NBPF12: variants seen among roughly 807,000 people sequenced by gnomAD.
NBPF12 encodes the protein NBPF family member NBPF12.
Under a neutral mutation model 146.4 loss-of-function variants are expected in NBPF12, and 115 were observed. That is an observed-to-expected ratio of 0.79 (90% CI 0.68 to 0.92). The LOEUF is 0.92. NBPF12 is among the 40% of genes least tolerant of loss of function. The pLI, the probability that NBPF12 is intolerant of heterozygous loss-of-function variation, is 0.00. For missense variants in NBPF12, 1,205 were observed against 1,326.8 expected (o/e 0.91, Z 1.43); for synonymous variants, 385 against 508.9 (o/e 0.76, Z 3.28).
At chr1:146,978,024 G>C (rs1343178531) in intron 18 of NBPF12, among the ~76,000 whole-genome samples, 1 of 151,902 alleles carries the variant, frequency 6.6e-6, no homozygotes, top group Non-Finnish European at 1.5e-5. Context: ...GCCTGTTTAA[G>C]GAAGCTGGCA....
chr1:146,973,655 GC>G (rs1315530859), intron 14 of NBPF12, among the ~76,000 whole-genome samples: 2 of 149,030 alleles, frequency 1.3e-5, no homozygotes, highest in African/African-American at 5.1e-5. Flanking sequence ...GGGCATGGTG[GC>G]AGGTGACTGT....
rs1553886548 is a variant in NBPF12 at position 146,971,943 on chromosome 1, C to G, written c.1591+549C>G. Among the ~76,000 whole-genome samples the G allele has an allele frequency of 1.9e-4, 27 of 142,376 alleles. 1 individual carries two copies. In the South Asian group the frequency reaches 6.1e-3, roughly 32 times the overall value. The allele number at this position is 142,376 out of a possible 152,430, so 93.4% of individuals were successfully genotyped here. On this transcript the variant is annotated intron_variant, in intron 13 of 33. Transcript: ENST00000617844. ...AAATACAAAAAAAAAAAAAAATTAG[C>G]TGGGCGCGGTGTTGGGTGCCTGTAG...
exon 8 of NBPF12, chr1:146,964,926 T>C (rs1656093578): frequency 1.2e-6 from 2 of 1,607,876 alleles, no homozygotes; most frequent in Middle Eastern, 4.4e-4. Context: ...GCAAAGTCCC[T>C]GAGGACTCAC....
At chr1:146,960,996 A>C (rs1655811954) in intron 4 of NBPF12, among the ~76,000 whole-genome samples, 1 of 152,046 alleles carries the variant, frequency 6.6e-6, no homozygotes, top group Non-Finnish European at 1.5e-5. Flanking sequence ...AAATACAAAA[A>C]GTAGATGGGC....
intron 11 of NBPF12, among the ~76,000 whole-genome samples, chr1:146,970,085 G>A (rs1433650012): frequency 6.7e-6 from 1 of 150,242 alleles, no homozygotes; most frequent in Non-Finnish European, 1.5e-5. Context: ...TTTTCAAAAT[G>A]AGATGAAGCC....
chr1:146,967,312 G>T (rs2101863530), intron 9 of NBPF12, among the ~76,000 whole-genome samples: 1 of 150,740 alleles, frequency 6.6e-6, no homozygotes, highest in Admixed American at 6.6e-5. Flanking sequence ...ACCAGCCTGG[G>T]CAACATGGAG....
chr1:146,945,791 C>T (rs1302716265), upstream of NBPF12, among the ~76,000 whole-genome samples: 1 of 152,050 alleles, frequency 6.6e-6, no homozygotes, highest in Non-Finnish European at 1.5e-5. Flanking sequence ...ACTGTTGATA[C>T]ATCATTATCA....
intron 2 of NBPF12, among the ~76,000 whole-genome samples, chr1:146,955,945 T>G (rs1346377613): frequency 3.3e-5 from 5 of 151,302 alleles, no homozygotes; most frequent in Non-Finnish European, 7.4e-5. Flanking sequence ...CTTGGTGGGC[T>G]TTTGTTACAT....
chr1:146,960,543 T>A (rs1362104778), intron 4 of NBPF12, among the ~76,000 whole-genome samples: 1 of 151,992 alleles, frequency 6.6e-6, no homozygotes, highest in Non-Finnish European at 1.5e-5. Context: ...AGAGTTAAAC[T>A]CACAGTTACT....
At chr1:146,969,062 A>G (rs1438378949) in intron 10 of NBPF12, among the ~76,000 whole-genome samples, 2 of 151,456 alleles carry the variant, frequency 1.3e-5, no homozygotes, top group African/African-American at 2.4e-5. Flanking sequence ...GTATTTTCAC[A>G]TGGAAATGTC....
At chr1:146,976,527 C>CGA (rs1657037533) in intron 16 of NBPF12, among the ~76,000 whole-genome samples, 16 of 111,174 alleles carry the variant, frequency 1.4e-4, no homozygotes. Flanking sequence ...TCTTCTAATG[C>CGA]ATAGAGGACT....
chr1:146,962,608 T>C (rs1322171846), intron 5 of NBPF12, among the ~76,000 whole-genome samples: 9 of 151,566 alleles, frequency 5.9e-5, no homozygotes, highest in Non-Finnish European at 8.8e-5. Flanking sequence ...AGAATCACCT[T>C]CTGACTGACT....
intron 9 of NBPF12, among the ~76,000 whole-genome samples, chr1:146,967,830 C>T (rs1402369375): frequency 6.6e-6 from 1 of 150,858 alleles, no homozygotes; most frequent in Non-Finnish European, 1.5e-5. Context: ...ACAGAGTAAA[C>T]ACTATTAGTT....
At position 146,970,502 on chromosome 1, in the gene NBPF12, G is replaced by A. The variant is rs1292117623; in HGVS notation, c.1307-145G>A. The A allele has an allele frequency of 1.6e-5, 19 of 1,154,152 alleles. 1 individual carries two copies. In the Admixed American group the frequency reaches 2.6e-4, roughly 16 times the overall value. 71.5% of individuals were successfully genotyped at this position (1,154,152 alleles called of 1,614,324 possible). A position where few individuals can be genotyped will look rare whatever the true frequency, so the allele number is the denominator to read the frequency against. On this transcript the variant is annotated intron_variant, in intron 11 of 33. Coordinates refer to ENST00000617844, the Ensembl canonical transcript of NBPF12. Reference sequence around the variant, plus strand: ...CCTGATGGACCAGGAAACCATGCCAGGGCATTTTGTGAAAGATAAAACATG... The same window carrying A: ...CCTGATGGACCAGGAAACCATGCCAAGGCATTTTGTGAAAGATAAAACATG...
rs1381778612 is a variant in NBPF12 at position 146,955,990 on chromosome 1, T to G, written c.-183-3869T>G. 2.0e-5 allele frequency among the ~76,000 whole-genome samples: 3 copies of G among 151,766 alleles called. No homozygotes were observed. The South Asian group carries it at 6.2e-4, about 32-fold the overall frequency. The stretch of plus-strand genomic sequence containing the variant: ...TGTATAAGGGCACTGGCTTCTTTTT[T>G]TTTTTCCTCTTAATATTTAATTGAA... On this transcript the variant is annotated intron_variant, in intron 2 of 33. Transcript: ENST00000617844.
rs1458236772 is a variant in NBPF12, at chr1:146,982,414, G to T, written c.2451-514G>T. On this transcript the variant is annotated intron_variant, in intron 19 of 33. Transcript: ENST00000617844. ...TCTCTCCCATGTGTTTAAATCCAGG[G>T]AGAGATGTATATATGCTTTCTTCCC... 6.7e-5 allele frequency among the ~76,000 whole-genome samples: 10 copies of T among 150,170 alleles called. 1 individual carries two copies. The highest frequency in any genetic ancestry group is 8.9e-5 in the Non-Finnish European group (6 of 67,652).
intron 9 of NBPF12, among the ~76,000 whole-genome samples, chr1:146,967,075 G>A (rs1656258768): frequency 1.3e-5 from 2 of 151,236 alleles, no homozygotes; most frequent in South Asian, 2.1e-4. Context: ...TTCTGTTGAG[G>A]CCCAATACGC....
At chr1:146,971,600 G>A (rs1656615846) in intron 13 of NBPF12, among the ~76,000 whole-genome samples, 1 of 146,328 alleles carries the variant, frequency 6.8e-6, no homozygotes, top group Admixed American at 6.8e-5. Context: ...GACCAGCCTG[G>A]AGTATATGGT....
rs1196888446 is a variant in NBPF12 at position 146,974,849 on chromosome 1, G to C, written c.1904+8G>C. ...GCAAGCTGAGGAGCTCAGGTGAGGGGACCCCATGGGGGCAGACAGGGGGGC... is the reference window on the plus strand; with the variant it reads ...GCAAGCTGAGGAGCTCAGGTGAGGGCACCCCATGGGGGCAGACAGGGGGGC... On this transcript the variant is annotated splice_region_variant and intron_variant, in intron 15 of 33. Transcript: ENST00000617844. 2.3e-6 allele frequency: 3 copies of C among 1,296,600 alleles called. No homozygotes were observed. The highest frequency in any genetic ancestry group is 3.1e-6 in the Non-Finnish European group (3 of 955,626). The allele number at this position is 1,296,600 out of a possible 1,614,324, so 80.3% of individuals were successfully genotyped here.
Sources: allele counts gnomAD v4.1 joint callset (sites outside exome capture counted in the v4.1 genomes callset), GRCh38; gene constraint gnomAD v4.1.1; transcripts MANE v1.5; gene names NCBI Gene and HGNC (gene_info 2026-07-23, HGNC 2026-07-21).